DOT1L: variants seen among roughly 807,000 people sequenced by gnomAD.
DOT1L encodes histone-lysine N-methyltransferase, H3 lysine-79 specific.
Under a neutral mutation model 153.3 loss-of-function variants are expected in DOT1L, and 33 were observed. That is an observed-to-expected ratio of 0.22 (90% CI 0.16 to 0.29). The LOEUF is 0.29. Ranked by LOEUF, DOT1L falls within the 10% of genes least tolerant of loss-of-function variation. The pLI is 1.00. For synonymous variants in DOT1L, 1,135 were observed against 965.1 expected, an observed-to-expected ratio of 1.18 and a Z score of -3.26; for missense variants, 1,847 against 2,119.9, an observed-to-expected ratio of 0.87 and a Z score of 2.53.
intron 1 of DOT1L, among the ~76,000 whole-genome samples, chr19:2,175,270 G>A (rs955377650): frequency 2.0e-5 from 3 of 152,020 alleles, no homozygotes; most frequent in Admixed American, 6.6e-5. Context: ...AAGTGCTTGG[G>A]GATTACAGGC....
intron 24 of DOT1L, 130 bp from the exon 25 acceptor site, chr19:2,223,151 G>A (rs1001466852): frequency 1.0e-5 from 10 of 960,936 alleles, no homozygotes; most frequent in East Asian, 1.0e-4. Context: ...TGTACTGGCC[G>A]CTGGGCAGGG....
chr19:2,176,351 C>T (rs955619978), intron 1 of DOT1L, among the ~76,000 whole-genome samples: 1 of 152,158 alleles, frequency 6.6e-6, no homozygotes, highest in Non-Finnish European at 1.5e-5. Flanking sequence ...CTGTGAATGA[C>T]AGGGAATGAG....
At position 2,222,889 on chromosome 19, in the gene DOT1L, AAAC is replaced by A. The variant is rs2024179846; in HGVS notation, c.3390+332_3390+334del. 5.1e-6 allele frequency: 2 copies of A among 394,350 alleles called. No individual in the cohort carries two copies. Among genetic ancestry groups the A allele is most frequent in the South Asian group, 1.0e-4 (2 of 19,214 alleles). The allele number at this position is 394,350 out of a possible 1,614,324, so 24.4% of individuals were successfully genotyped here. ...GACTCCCTCTCGGGGGGACAAAAAA[AAAC>A]ACAAAAAAAAACAGGTGGAGGCAGG... On this transcript the variant is annotated intron_variant, in intron 24 of 27. Coordinates refer to ENST00000398665, the MANE Select transcript of DOT1L (RefSeq NM_032482.3). This position sits in a 1 kb window ranked among gnomAD's most constrained non-coding sequence, Gnocchi z 6.5.
chr19:2,226,713 G>T lies in DOT1L; in HGVS notation c.4192G>T (p.Gly1398Trp), dbSNP rs780009010. 6.4e-7 allele frequency: 1 copy of T among 1,565,642 alleles called. No homozygotes were observed. Among genetic ancestry groups the T allele is most frequent in the Non-Finnish European group, 8.6e-7 (1 of 1,160,300 alleles). Residue 1398 changes from glycine to tryptophan, a missense_variant, in exon 27 of 28, where the codon GGG becomes TGG. Physicochemically the swap from Gly to Trp is radical, Grantham distance 184 (BLOSUM62 -2). This residue lies in a region of DOT1L where 934 missense variants were observed against 825.3 expected (regional missense o/e 1.13). Coordinates refer to ENST00000398665, the MANE Select transcript of DOT1L (RefSeq NM_032482.3). ...AGGGGAGGGCGGCCTACCGCTGTGC[G>T]GGCCCACGGACAAGACCCCACTGCT... The part of the protein sequence containing the change: ...EAGEGGLPLC[G>W]PTDKTPLLSG...
intron 8 of DOT1L, among the ~76,000 whole-genome samples, chr19:2,202,413 G>C (rs1344549502): frequency 1.3e-5 from 2 of 152,206 alleles, no homozygotes; most frequent in Non-Finnish European, 2.9e-5. Context: ...ACCTTGTGTG[G>C]GCTGCTTGTG....
At position 2,210,530 on chromosome 19, in the gene DOT1L, C is replaced by T. The variant is rs766175301; in HGVS notation, c.1116+20C>T. 9 of 1,590,376 alleles carry T rather than the reference C, an allele frequency of 5.7e-6. No individual in the cohort carries two copies. The highest frequency in any genetic ancestry group is 2.2e-5 in the East Asian group (1 of 44,514). On this transcript the variant is annotated intron_variant, in intron 13 of 27. Transcript: ENST00000398665. ...CCCATGGTAAGGCCCCAGCCTGGCT[C>T]CTGCTGCTGGAGGGCACCCGCCCCC...
At chr19:2,228,196 CGGT>C in intron 27 of DOT1L, 5 of 1,364,976 alleles carry the variant, frequency 3.7e-6, no homozygotes, top group Non-Finnish European at 4.9e-6. Flanking sequence ...CCCTCCTTCA[CGGT>C]GCACCACCAG....
chr19:2,186,658 C>T (rs1430973277), intron 3 of DOT1L, among the ~76,000 whole-genome samples: 1 of 152,206 alleles, frequency 6.6e-6, no homozygotes, highest in African/African-American at 2.4e-5. Flanking sequence ...TGTCTGGGGT[C>T]AGCGGTCTCA....
chr19:2,228,732 G>T (rs1321193302), intron 27 of DOT1L: 1 of 985,288 alleles, frequency 1.0e-6, no homozygotes, highest in Admixed American at 6.1e-5. Flanking sequence ...AGTCTCCAGG[G>T]CTCCATCCGC....
rs1460404248 is a variant in DOT1L at position 2,207,124 on chromosome 19, G to A, written c.856+327G>A. ...CTTTTGTGGACAGAGACAGGCCCAC[G>A]GTGGGAAGGAGCCGGCCCCTCCCAT... On this transcript the variant is annotated intron_variant, in intron 10 of 27. Coordinates refer to ENST00000398665, the MANE Select transcript of DOT1L (RefSeq NM_032482.3). This position sits in a 1 kb window ranked among gnomAD's most constrained non-coding sequence, Gnocchi z 4.5. Among the ~76,000 whole-genome samples the A allele has an allele frequency of 6.6e-6, 1 of 152,224 alleles. No homozygotes were observed. The highest frequency in any genetic ancestry group is 1.9e-4 in the East Asian group (1 of 5,190).
chr19:2,216,066 A>C, intron 19 of DOT1L: 1 of 563,934 alleles, frequency 1.8e-6, no homozygotes, highest in Non-Finnish European at 3.0e-6. Flanking sequence ...AGGTGCTTCC[A>C]TGTCAGCAAA....
chr19:2,215,628 G>C (rs2144861417), intron 19 of DOT1L: 1 of 152,408 alleles, frequency 6.6e-6, no homozygotes, highest in African/African-American at 2.4e-5. Flanking sequence ...ACGGGCGGCT[G>C]ACGGACGTCG....
intron 27 of DOT1L, chr19:2,227,573 A>AG: frequency 1.3e-6 from 1 of 773,232 alleles, no homozygotes; most frequent in Middle Eastern, 5.4e-4. Context: ...CGGAGGGCGG[A>AG]GGGCGGGCCA....
intron 18 of DOT1L, 171 bp downstream of exon 18, chr19:2,214,157 G>A: frequency 8.4e-7 from 1 of 1,186,086 alleles, no homozygotes; most frequent in Non-Finnish European, 1.2e-6. Flanking sequence ...CAGCAGGCAG[G>A]CCTGGGCCCC....
chr19:2,188,161 T>C (rs2022623136), intron 3 of DOT1L: 1 of 152,358 alleles, frequency 6.6e-6, no homozygotes, highest in African/African-American at 2.4e-5. Context: ...TCTTGGTGTT[T>C]GCTCCTCTTA....
At chr19:2,219,664 G>C (rs1272401116) in intron 22 of DOT1L, among the ~76,000 whole-genome samples, 1 of 152,254 alleles carries the variant, frequency 6.6e-6, no homozygotes, top group Admixed American at 6.5e-5. Context: ...ACTGACCTTT[G>C]TTGGACTTGG....
intron 1 of DOT1L, among the ~76,000 whole-genome samples, chr19:2,172,612 C>T (rs1448650495): frequency 6.6e-6 from 1 of 151,648 alleles, no homozygotes; most frequent in Admixed American, 6.6e-5. Flanking sequence ...TCAAGCCATT[C>T]TCCTGCCTCA....
Position 2,208,121 on chromosome 19 carries a change from G to A in DOT1L, c.963+441G>A, listed in dbSNP as rs2144817689. Among the ~76,000 whole-genome samples, 1 of 152,228 alleles carries A rather than the reference G, an allele frequency of 6.6e-6. No individual in the cohort carries two copies. The highest frequency in any genetic ancestry group is 2.1e-4 in the South Asian group (1 of 4,824). ...GGTCTGGGATGCTTCTTCCCTCCCT[G>A]TGTTCCCCAGGGTCCTCTGACACAG... is the stretch of plus-strand genomic sequence containing the variant. On this transcript the variant is annotated intron_variant, in intron 11 of 27. Coordinates refer to ENST00000398665, the MANE Select transcript of DOT1L (RefSeq NM_032482.3). This position sits in a 1 kb window ranked among gnomAD's most constrained non-coding sequence, Gnocchi z 4.4.
chr19:2,218,840 G>A (rs951355900), intron 22 of DOT1L, among the ~76,000 whole-genome samples: 12 of 152,036 alleles, frequency 7.9e-5, no homozygotes, highest in Non-Finnish European at 1.8e-4. Context: ...GGGATTACAG[G>A]TGCCCACCAC....
Sources: gnomAD v4.1 joint callset for allele counts (sites outside exome capture counted in the v4.1 genomes callset) on GRCh38, gnomAD v4.1.1 for gene constraint, gnomAD v4.1.1 regional missense constraint, Gnocchi (gnomAD v3.1) non-coding constraint, MANE v1.5 for transcripts, NCBI Gene and HGNC (gene_info 2026-07-23, HGNC 2026-07-21) for gene names.